Variants in TADA2A observed in about 807,000 individuals in gnomAD.
The protein encoded by TADA2A is transcriptional adapter 2-alpha.
In TADA2A, 38 loss-of-function variants were observed where a neutral mutation model predicts 67.4. The observed-to-expected ratio is 0.56, with a 90% CI of 0.44 to 0.74. TADA2A has a LOEUF of 0.74. TADA2A is among the 30% of genes least tolerant of loss of function. TADA2A has a pLI of 0.00. For synonymous variants in TADA2A, 192 were observed against 181.6 expected (o/e 1.06, Z -0.46); for missense variants, 454 against 547.0 (o/e 0.83, Z 1.70).
chr17:37,449,743 C>T (rs2053181702), intron 8 of TADA2A, among the ~76,000 whole-genome samples: 1 of 152,012 alleles, frequency 6.6e-6, no homozygotes, highest in Admixed American at 6.6e-5. Context: ...CCTCAGCTAC[C>T]TGAGTAGCTG....
chr17:37,425,459 T>C (rs541711661), intron 3 of TADA2A, among the ~76,000 whole-genome samples: 26 of 152,280 alleles, frequency 1.7e-4, no homozygotes, highest in African/African-American at 6.0e-4. Flanking sequence ...CCCCATTTTA[T>C]AGATGAAGAA....
In TADA2A at chr17:37,422,587, A is replaced by C. The variant is rs187407861; in HGVS notation, c.26-922A>C. Reference sequence around the variant, plus strand: ...AGTGGCACAATCTTGGCTCACGGCAACCTTTGCCTTCCGGGTTCAAGTGAT... The same window carrying C: ...AGTGGCACAATCTTGGCTCACGGCACCCTTTGCCTTCCGGGTTCAAGTGAT... On this transcript the variant is annotated intron_variant, in intron 2 of 15. Coordinates refer to ENST00000615182, the MANE Select transcript of TADA2A (RefSeq NM_001166105.3). Among the ~76,000 whole-genome samples the C allele has an allele frequency of 3.5e-4, 53 of 151,746 alleles. No homozygotes were observed. The East Asian group carries it at 0.01, about 29-fold the overall frequency.
chr17:37,421,690 G>A (rs2052236021), intron 2 of TADA2A, among the ~76,000 whole-genome samples: 1 of 146,530 alleles, frequency 6.8e-6, no homozygotes, highest in Non-Finnish European at 1.5e-5. Flanking sequence ...TAGTTAGGAG[G>A]CTGAGGTGGG....
rs1568135888 is a variant in TADA2A, at chr17:37,422,297, G to A, written c.26-1212G>A. Among the ~76,000 whole-genome samples the A allele has an allele frequency of 1.3e-5, 2 of 148,296 alleles. 1 individual carries two copies. Among genetic ancestry groups the A allele is most frequent in the African/African-American group, 4.9e-5 (2 of 40,670 alleles). On this transcript the variant is annotated intron_variant, in intron 2 of 15. Transcript: ENST00000615182. ...CTCACCTCATGATCCACCCGCCTCG[G>A]CCCCCCAAAGTGCTGGGATTACAGG...
chr17:37,452,257 G>A (rs1250108707), intron 8 of TADA2A, among the ~76,000 whole-genome samples: 1 of 152,022 alleles, frequency 6.6e-6, no homozygotes, highest in Non-Finnish European at 1.5e-5. Context: ...ACAAAAATTA[G>A]CTGGGTATGG....
intron 5 of TADA2A, among the ~76,000 whole-genome samples, chr17:37,440,300 A>T (rs2052874440): frequency 1.3e-5 from 2 of 152,104 alleles, no homozygotes; most frequent in Admixed American, 1.3e-4. Context: ...TCTGTGTTTT[A>T]GACTAGCAAG....
intron 8 of TADA2A, among the ~76,000 whole-genome samples, chr17:37,445,869 C>A (rs2053063203): frequency 6.6e-6 from 1 of 151,886 alleles, no homozygotes; most frequent in Non-Finnish European, 1.5e-5. Flanking sequence ...AAATTTACAT[C>A]CCAGGCAGGA....
At chr17:37,413,202 C>T (rs903470301) in intron 2 of TADA2A, among the ~76,000 whole-genome samples, 10 of 152,118 alleles carry the variant, frequency 6.6e-5, no homozygotes, top group African/African-American at 1.9e-4. Flanking sequence ...GCTGGGATTA[C>T]AAGCGTGAGC....
At position 37,478,840 on chromosome 17, in the gene TADA2A, GAA is replaced by G. The variant is rs2053937424; in HGVS notation, c.*1862_*1863del. 6.6e-6 allele frequency: 1 copy of G among 152,124 alleles called. No homozygotes were observed. Among genetic ancestry groups the G allele is most frequent in the Non-Finnish European group, 1.5e-5 (1 of 68,012 alleles). 9.4% of individuals were successfully genotyped at this position (152,124 alleles called of 1,614,324 possible). A position where few individuals can be genotyped will look rare whatever the true frequency, so the allele number is the denominator to read the frequency against. On this transcript the variant is annotated 3_prime_UTR_variant, in exon 16 of 16. Transcript: ENST00000615182. ...GGGATTCATCTAAGGGATAAGAAAT[GAA>G]AAAGACACTCTAAGGACCTGAGGGA...
chr17:37,445,369 G>T (rs1314782212), intron 8 of TADA2A, among the ~76,000 whole-genome samples: 1 of 152,170 alleles, frequency 6.6e-6, no homozygotes, highest in African/African-American at 2.4e-5. Context: ...AGGTTCAAGG[G>T]ATTCTCCTGC....
rs2053457228 is a variant in TADA2A, at chr17:37,458,517, T to C, written c.605-7T>C. 1.9e-6 allele frequency: 3 copies of C among 1,609,060 alleles called. No individual in the cohort carries two copies. Among genetic ancestry groups the C allele is most frequent in the African/African-American group, 2.7e-5 (2 of 74,738 alleles). On this transcript the variant is annotated splice_region_variant and splice_polypyrimidine_tract_variant and intron_variant, in intron 8 of 15. Transcript: ENST00000615182. ...TATATATAGTATATGTATGAATTTA[T>C]TTGTAGCTCTGAAGATGGCTGTGGT...
rs373341385 is a variant in TADA2A, at chr17:37,414,143, T to A, written c.25+2753T>A. Among the ~76,000 whole-genome samples, 178 of 152,326 alleles carry A rather than the reference T, an allele frequency of 1.2e-3. 6 individuals carry two copies. In the South Asian group the frequency reaches 0.036, roughly 31 times the overall value. ...AGGATGTGATCTCATTACTTTTTTATGGCTGCATAGTATTCCATGGTATAT... is the reference window on the plus strand; with the variant it reads ...AGGATGTGATCTCATTACTTTTTTAAGGCTGCATAGTATTCCATGGTATAT... On this transcript the variant is annotated intron_variant, in intron 2 of 15. Coordinates refer to ENST00000615182, the MANE Select transcript of TADA2A (RefSeq NM_001166105.3).
intron 2 of TADA2A, among the ~76,000 whole-genome samples, chr17:37,413,973 C>G (rs773152275): frequency 1.8e-4 from 27 of 151,950 alleles, no homozygotes; most frequent in Middle Eastern, 3.4e-3. Flanking sequence ...TCAAGAAGGC[C>G]CTGGTTTCTG....
At chr17:37,444,597 C>T (rs538441050) in intron 7 of TADA2A, 99 bp from the exon 8 acceptor site, 3 of 978,216 alleles carry the variant, frequency 3.1e-6, no homozygotes, top group African/African-American at 3.3e-5. Flanking sequence ...CAACTGTTTG[C>T]TTGTGTTTTT....
chr17:37,419,882 G>A (rs1040003032), intron 2 of TADA2A, among the ~76,000 whole-genome samples: 3 of 145,670 alleles, frequency 2.1e-5, no homozygotes, highest in African/African-American at 7.5e-5. Flanking sequence ...AGTCGTGGTG[G>A]TGTGCACTTG....
intron 4 of TADA2A, among the ~76,000 whole-genome samples, chr17:37,428,938 C>T (rs963457583): frequency 1.3e-5 from 2 of 148,662 alleles, no homozygotes; most frequent in African/African-American, 2.5e-5. Flanking sequence ...CCCAGCTACT[C>T]GGGAGGTTGA....
At chr17:37,446,256 G>A (rs1366435811) in intron 8 of TADA2A, among the ~76,000 whole-genome samples, 3 of 152,024 alleles carry the variant, frequency 2.0e-5, no homozygotes, top group South Asian at 2.1e-4. Context: ...TCAGTCTTCC[G>A]TGTCAGTCTC....
At chr17:37,409,661 G>T (rs1169547789) in intron 1 of TADA2A, among the ~76,000 whole-genome samples, 1 of 151,526 alleles carries the variant, frequency 6.6e-6, no homozygotes, top group African/African-American at 2.4e-5. Flanking sequence ...CAGCTAATTG[G>T]GAGGCTGAGG....
rs546385953 is a variant in TADA2A, at chr17:37,471,155, C to T, written c.1072+18C>T. 5.6e-6 allele frequency: 9 copies of T among 1,613,038 alleles called. No individual in the cohort carries two copies. The South Asian group carries it at 7.7e-5, about 14-fold the overall frequency. On this transcript the variant is annotated intron_variant, in intron 14 of 15. Coordinates refer to ENST00000615182, the MANE Select transcript of TADA2A (RefSeq NM_001166105.3). ...GAATTCAGGTAATTATTTCTCAGGC[C>T]AGAACAAGTCTTAATTGTGAAGTTT...
Sources: allele counts gnomAD v4.1 joint callset (sites outside exome capture counted in the v4.1 genomes callset), GRCh38; gene constraint gnomAD v4.1.1; transcripts MANE v1.5; gene names NCBI Gene and HGNC (gene_info 2026-07-23, HGNC 2026-07-21).